UNC5C: variants seen among roughly 807,000 people sequenced by gnomAD.
The protein encoded by UNC5C is unc-5 netrin receptor C.
In UNC5C, 47 loss-of-function variants were observed where a neutral mutation model predicts 99.8. The ratio of observed to expected loss-of-function variants is 0.47; its 90% CI spans 0.37 to 0.60. The LOEUF is 0.60. UNC5C is among the 20% of genes least tolerant of loss of function. UNC5C has a pLI of 0.00. For synonymous variants in UNC5C, 487 were observed against 452.2 expected (o/e 1.08, Z -0.98); for missense variants, 1,062 against 1,165.9 (o/e 0.91, Z 1.30).
chr4:95,194,631 C>T (rs1453059000), intron 12 of UNC5C, among the ~76,000 whole-genome samples: 3 of 152,136 alleles, frequency 2.0e-5, no homozygotes, highest in African/African-American at 7.2e-5. Flanking sequence ...GCAGTCATAT[C>T]CCTTTCTGAC....
chr4:95,233,019 A>G (rs1738972205), intron 7 of UNC5C, among the ~76,000 whole-genome samples: 1 of 152,214 alleles, frequency 6.6e-6, no homozygotes, highest in Non-Finnish European at 1.5e-5. Context: ...ACAGGCGGTT[A>G]TAAACGTATC....
rs1237672628 is a variant in UNC5C, at chr4:95,411,600, G to GC, written c.125-75970dup. 5.9e-5 allele frequency among the ~76,000 whole-genome samples: 9 copies of GC among 152,198 alleles called. No individual in the cohort carries two copies. The East Asian group carries it at 1.5e-3, about 26-fold the overall frequency. The stretch of plus-strand genomic sequence containing the variant: ...TAAATCTGCACACTACAGGAAAAGT[G>GC]CATGTATTTTAAATAATTCACATAC... On this transcript the variant is annotated intron_variant, in intron 1 of 15. Transcript: ENST00000453304.
intron 1 of UNC5C, among the ~76,000 whole-genome samples, chr4:95,444,780 C>A (rs34661862): frequency 0.028 from 4,275 of 152,146 alleles, 201 homozygotes; most frequent in African/African-American, 0.098. Context: ...AGCTCTTGGG[C>A]TAGCTCTGAA....
Position 95,293,552 on chromosome 4 carries a change from G to T in UNC5C, c.490+8054C>A, listed in dbSNP as rs141175549. Among the ~76,000 whole-genome samples, 1,106 of 152,006 alleles carry T rather than the reference G, an allele frequency of 7.3e-3. 17 individuals carry two copies. Among genetic ancestry groups the T allele is most frequent in the African/African-American group, 0.025 (1,052 of 41,458 alleles). On this transcript the variant is annotated intron_variant, in intron 3 of 15. Coordinates refer to ENST00000453304, the MANE Select transcript of UNC5C (RefSeq NM_003728.4). ...CCAGGCTGGTCTCAAACCCCTATGT[G>T]CAAGTGATCCTCCCACCTTGGCCTC...
At chr4:95,351,106 A>G (rs541843970) in intron 1 of UNC5C, among the ~76,000 whole-genome samples, 7 of 151,932 alleles carry the variant, frequency 4.6e-5, no homozygotes, top group Non-Finnish European at 7.4e-5. Flanking sequence ...ACTCTTACAC[A>G]TTTCTCAGAT....
chr4:95,400,716 A>G (rs1275394448), intron 1 of UNC5C, among the ~76,000 whole-genome samples: 3 of 151,982 alleles, frequency 2.0e-5, no homozygotes, highest in African/African-American at 7.2e-5. Flanking sequence ...TCTGCAAACA[A>G]CCTGAGGTGG....
intron 1 of UNC5C, among the ~76,000 whole-genome samples, chr4:95,349,689 T>A (rs1039719397): frequency 6.6e-6 from 1 of 151,960 alleles, no homozygotes; most frequent in African/African-American, 2.4e-5. Flanking sequence ...TCAGTGATAC[T>A]GACTCTATAA....
intron 1 of UNC5C, among the ~76,000 whole-genome samples, chr4:95,368,144 G>A (rs927470483): frequency 6.6e-6 from 1 of 152,040 alleles, no homozygotes; most frequent in South Asian, 2.1e-4. Context: ...ACACTGTCTA[G>A]CTATCTGTGA....
Position 95,335,416 on chromosome 4 carries a change from T to A in UNC5C, c.340A>T (p.Thr114Ser). ...DHIVDERVDETSGLIVREVSI... is the reference protein window; with the variant it reads ...DHIVDERVDESSGLIVREVSI... ...AATGCAATGGAAAACTCACCGGAAG[T>A]TTCATCTACTCTTTCATCTACTATG... is the stretch of plus-strand genomic sequence containing the variant. Residue 114 changes from threonine (T) to serine (S), a missense_variant, in exon 2 of 16, where the codon ACT becomes TCT. This residue lies in a region of UNC5C where 249 missense variants were observed against 295.1 expected (regional missense o/e 0.84). Transcript: ENST00000453304. 1 of 1,610,728 alleles carries A rather than the reference T, an allele frequency of 6.2e-7. No individual in the cohort carries two copies. Among genetic ancestry groups the A allele is most frequent in the Non-Finnish European group, 8.5e-7 (1 of 1,178,084 alleles).
chr4:95,350,998 T>C (rs1030527175), intron 1 of UNC5C, among the ~76,000 whole-genome samples: 3 of 147,236 alleles, frequency 2.0e-5, no homozygotes, highest in African/African-American at 4.9e-5. Context: ...GAGCAACATC[T>C]AGATTATTGT....
intron 1 of UNC5C, among the ~76,000 whole-genome samples, chr4:95,337,181 G>T (rs1317901581): frequency 6.6e-6 from 1 of 151,860 alleles, no homozygotes; most frequent in African/African-American, 2.4e-5. Context: ...ATAGAAGTTA[G>T]CTGTTGGTTT....
chr4:95,439,779 T>C (rs1414926563), intron 1 of UNC5C, among the ~76,000 whole-genome samples: 1 of 152,104 alleles, frequency 6.6e-6, no homozygotes, highest in Non-Finnish European at 1.5e-5. Flanking sequence ...GACTGGCTAA[T>C]TGGGTGGGAA....
At chr4:95,475,273 G>A (rs1428721164) in intron 1 of UNC5C, among the ~76,000 whole-genome samples, 1 of 151,984 alleles carries the variant, frequency 6.6e-6, no homozygotes, top group African/African-American at 2.4e-5. Flanking sequence ...TTATTGAAGG[G>A]AACATGTGAG....
Position 95,267,949 on chromosome 4 carries a change from A to ATTTTTTTTTTTTTTTTTTTT in UNC5C, c.594+10309_594+10310insAAAAAAAAAAAAAAAAAAAA, listed in dbSNP as rs869293955. ...ATGATCCTGTAGGCTGAATTTTGTG[A>ATTTTTTTTTTTTTTTTTTTT]TTTTTTTTTTTTTTTTTTGAGACGG... is the stretch of plus-strand genomic sequence containing the variant. On this transcript the variant is annotated intron_variant, in intron 4 of 15. Coordinates refer to ENST00000453304, the MANE Select transcript of UNC5C (RefSeq NM_003728.4). Among the ~76,000 whole-genome samples the ATTTTTTTTTTTTTTTTTTTT allele has an allele frequency of 2.3e-3, 265 of 117,548 alleles. 24 individuals are homozygous for ATTTTTTTTTTTTTTTTTTTT. The highest frequency in any genetic ancestry group is 7.8e-3 in the African/African-American group (228 of 29,150). 77.1% of individuals were successfully genotyped at this position (117,548 alleles called of 152,430 possible).
At position 95,216,906 on chromosome 4, in the gene UNC5C, G is replaced by C. The variant is rs112856709; in HGVS notation, c.1646-695C>G. Among the ~76,000 whole-genome samples, 1,381 of 152,292 alleles carry C rather than the reference G, an allele frequency of 9.1e-3. 25 individuals are homozygous for C. Among genetic ancestry groups the C allele is most frequent in the African/African-American group, 0.031 (1,306 of 41,556 alleles). On this transcript the variant is annotated intron_variant, in intron 9 of 15. Coordinates refer to ENST00000453304, the MANE Select transcript of UNC5C (RefSeq NM_003728.4). ...ACCACAGATTACTGGTCCCTACCCC[G>C]AGTTTCTGATTCAGAGATATGGGGT...
Position 95,548,738 on chromosome 4 carries a change from G to A in UNC5C, c.120C>T (p.Ala40=), listed in dbSNP as rs145190010. 23 of 1,612,606 alleles carry A rather than the reference G, an allele frequency of 1.4e-5. No homozygotes were observed. The highest frequency in any genetic ancestry group is 1.8e-5 in the Non-Finnish European group (21 of 1,179,530). The change falls in exon 1 of 16, where the codon GCC becomes GCT. Residue 40 remains alanine (A), a synonymous_variant. Transcript: ENST00000453304. ...GAGCTTGGCGGACCCCCTTACCTTG[G>A]GCGGCGGAGCCAGTGCCGCTGGCGC... ...LLSASGTGSA[A]QDDDFFHELP... is the part of the protein sequence containing the mutation.
At chr4:95,243,072 G>C (rs1739384195) in intron 6 of UNC5C, among the ~76,000 whole-genome samples, 1 of 152,126 alleles carries the variant, frequency 6.6e-6, no homozygotes, top group Admixed American at 6.5e-5. Flanking sequence ...CATTCATCCA[G>C]TTGGTATATA....
At chr4:95,262,818 A>T (rs1740291238) in intron 4 of UNC5C, among the ~76,000 whole-genome samples, 1 of 146,392 alleles carries the variant, frequency 6.8e-6, no homozygotes, top group Admixed American at 6.9e-5. Flanking sequence ...AAGTTTCCCT[A>T]TTTTTTTTTT....
chr4:95,486,352 C>T (rs370764961), intron 1 of UNC5C, among the ~76,000 whole-genome samples: 3 of 151,670 alleles, frequency 2.0e-5, no homozygotes, highest in African/African-American at 7.2e-5. Context: ...TAAATATAGG[C>T]CTTCACCATC....
Sources: gnomAD v4.1 joint callset for allele counts (sites outside exome capture counted in the v4.1 genomes callset) on GRCh38, gnomAD v4.1.1 for gene constraint, gnomAD v4.1.1 regional missense constraint, MANE v1.5 for transcripts, NCBI Gene and HGNC (gene_info 2026-07-23, HGNC 2026-07-21) for gene names.